Variants in DIABLO observed in about 807,000 individuals in gnomAD.
DIABLO encodes the protein diablo IAP-binding mitochondrial protein, also known as diablo homolog, mitochondrial.
A neutral mutation model predicts 31.7 loss-of-function variants in DIABLO; 32 were observed. The observed-to-expected ratio is 1.01, with a 90% CI of 0.76 to 1.35. The LOEUF is 1.35. Among genes scored for constraint, DIABLO ranks in the 40% most tolerant of loss-of-function variants. The pLI, the probability that DIABLO is intolerant of heterozygous loss-of-function variation, is 0.00. For missense variants in DIABLO, 316 were observed against 286.4 expected, an observed-to-expected ratio of 1.10 and a Z score of -0.75; for synonymous variants, 132 against 103.2, an observed-to-expected ratio of 1.28 and a Z score of -1.69.
intron 5 of DIABLO, among the ~76,000 whole-genome samples, chr12:122,211,874 A>C (rs1202489425): frequency 6.6e-6 from 1 of 152,188 alleles, no homozygotes; most frequent in East Asian, 1.9e-4. Flanking sequence ...CCTACTGATT[A>C]CTTTTTATCT....
At chr12:122,212,500 C>T (rs755170523) in intron 5 of DIABLO, among the ~76,000 whole-genome samples, 3 of 152,096 alleles carry the variant, frequency 2.0e-5, no homozygotes, top group African/African-American at 4.8e-5. Context: ...TCTAGTGTTG[C>T]GGAGAAGATG....
At chr12:122,222,894 C>G (rs1325708616) in intron 2 of DIABLO, among the ~76,000 whole-genome samples, 3 of 152,074 alleles carry the variant, frequency 2.0e-5, no homozygotes, top group Non-Finnish European at 4.4e-5. Flanking sequence ...AGCTTGCTTC[C>G]TAACAGGCCA....
Position 122,208,699 on chromosome 12 carries a change from C to T in DIABLO, c.524-122G>A, listed in dbSNP as rs781298725. On this transcript the variant is annotated intron_variant, in intron 5 of 5. Transcript: ENST00000464942. The stretch of plus-strand genomic sequence containing the variant: ...CCCTCTTGGGGTCACTTTCCTTGAC[C>T]TCCCTGTCTTCTCTCTCTGCAAAGA... 1.4e-5 allele frequency: 13 copies of T among 930,398 alleles called. No individual in the cohort carries two copies. In the African/African-American group the frequency reaches 2.0e-4, roughly 14 times the overall value. 57.6% of individuals were successfully genotyped at this position (930,398 alleles called of 1,614,324 possible). A position where few individuals can be genotyped will look rare whatever the true frequency, so the allele number is the denominator to read the frequency against.
In DIABLO at chr12:122,207,812, G is replaced by A. The variant is rs1304432148; in HGVS notation, c.*569C>T. The A allele has an allele frequency of 4.3e-6, 2 of 465,286 alleles. No homozygotes were observed. Among genetic ancestry groups the A allele is most frequent in the South Asian group, 3.1e-5 (2 of 64,578 alleles). The allele number at this position is 465,286 out of a possible 1,614,324, so 28.8% of individuals were successfully genotyped here. A position where few individuals can be genotyped will look rare whatever the true frequency, so the allele number is the denominator to read the frequency against. On this transcript the variant is annotated 3_prime_UTR_variant, in exon 6 of 6. Transcript: ENST00000464942. ...ATGTTAAGTCCTGTTGAGAGCACCAGGTAAACACTCTGCACCCCTTCTCTT... is the reference window on the plus strand; with the variant it reads ...ATGTTAAGTCCTGTTGAGAGCACCAAGTAAACACTCTGCACCCCTTCTCTT...
rs1953995668 is a variant in DIABLO at position 122,208,581 on chromosome 12, C to T, written c.524-4G>A. 6.2e-7 allele frequency: 1 copy of T among 1,611,638 alleles called. No individual in the cohort carries two copies. The highest frequency in any genetic ancestry group is 1.7e-5 in the Admixed American group (1 of 59,976). ...GTTATAGAGGCCTGATCTGCGCCTG[C>T]CAAAAGATGGGACAATCGGGTTGAG... On this transcript the variant is annotated splice_region_variant and splice_polypyrimidine_tract_variant and intron_variant, in intron 5 of 5. Coordinates refer to ENST00000464942, the MANE Select transcript of DIABLO (RefSeq NM_001371333.1).
At chr12:122,219,490 G>A (rs1954288136) in intron 2 of DIABLO, among the ~76,000 whole-genome samples, 1 of 152,032 alleles carries the variant, frequency 6.6e-6, no homozygotes, top group African/African-American at 2.4e-5. Context: ...CATGCAGAAG[G>A]GAGCAATCAG....
In DIABLO at chr12:122,216,826, A is replaced by C; in HGVS notation, c.359T>G (p.Leu120Ter). Residue 120 changes from leucine to a stop codon, truncating the protein, a stop_gained, in exon 4 of 6, where the codon TTA becomes TGA. Coordinates refer to ENST00000464942, the MANE Select transcript of DIABLO (RefSeq NM_001371333.1). LOFTEE classifies it high-confidence loss of function. ...CTCCTCTGAATTCATTTTCCCAAGT[A>C]AACTTGTATATTGTCGGTAAAGAGA... ...LTSLYRQYTSLLGKMNSEEED... is the reference protein window; with the variant it reads ...LTSLYRQYTS 1 of 1,614,174 alleles carries C rather than the reference A, an allele frequency of 6.2e-7. No homozygotes were observed.
upstream of DIABLO, chr12:122,227,311 C>T (rs1244675211): frequency 6.7e-6 from 3 of 446,834 alleles, no homozygotes; most frequent in African/African-American, 6.0e-5. Context: ...CAGCCACTCC[C>T]CACAGTGTCA....
intron 2 of DIABLO, chr12:122,221,903 G>C (rs1285133940): frequency 6.6e-6 from 1 of 152,208 alleles, no homozygotes; most frequent in Non-Finnish European, 1.5e-5. Flanking sequence ...ATTCAAGTGA[G>C]GGGTTTTAGG....
At chr12:122,209,566 G>A in intron 5 of DIABLO, 2 of 545,586 alleles carry the variant, frequency 3.7e-6, no homozygotes, top group Admixed American at 3.1e-5. Context: ...TTGGGAGCCT[G>A]AAGCAGGAGA....
intron 5 of DIABLO, among the ~76,000 whole-genome samples, chr12:122,210,774 G>A (rs192619486): frequency 6.6e-6 from 1 of 152,054 alleles, no homozygotes; most frequent in African/African-American, 2.4e-5. Context: ...AAATTTAGAG[G>A]GAGGGGGCAA....
At chr12:122,210,848 G>A (rs935479294) in intron 5 of DIABLO, among the ~76,000 whole-genome samples, 11 of 149,554 alleles carry the variant, frequency 7.4e-5, no homozygotes, top group Admixed American at 2.0e-4. Flanking sequence ...AAACCAGCCT[G>A]GGAAACTTAG....
intron 5 of DIABLO, chr12:122,209,601 G>C (rs1420373319): frequency 5.1e-6 from 3 of 591,706 alleles, no homozygotes; most frequent in South Asian, 2.0e-5. Context: ...GGAGGCGGAG[G>C]TTGCAGTGAG....
At chr12:122,219,661 C>A (rs2136101300) in intron 2 of DIABLO, among the ~76,000 whole-genome samples, 1 of 151,828 alleles carries the variant, frequency 6.6e-6, no homozygotes, top group South Asian at 2.1e-4. Context: ...TCGAGACCAG[C>A]CTGGCCAACA....
chr12:122,208,849 TAC>T (rs886884573), intron 5 of DIABLO: 9 of 557,912 alleles, frequency 1.6e-5, no homozygotes, highest in Admixed American at 1.5e-4. Flanking sequence ...TCTTTATAGC[TAC>T]AGAGCTTTTA....
intron 1 of DIABLO, chr12:122,225,737 G>T (rs1266385018): frequency 7.0e-7 from 1 of 1,431,086 alleles, no homozygotes; most frequent in African/African-American, 1.4e-5. Flanking sequence ...CGGGGTCTCG[G>T]GGACTCGTTT....
intron 2 of DIABLO, among the ~76,000 whole-genome samples, chr12:122,219,325 T>A (rs1284095244): frequency 1.3e-5 from 2 of 152,176 alleles, no homozygotes; most frequent in African/African-American, 4.8e-5. Context: ...CAGTGTTAGA[T>A]ACTTGAGACG....
chr12:122,225,535 TGCAGC>T, intron 1 of DIABLO: 1 of 1,099,154 alleles, frequency 9.1e-7, no homozygotes, highest in African/African-American at 1.7e-5. Flanking sequence ...CCCAGGAGCC[TGCAGC>T]GCTAGGTAGA....
At chr12:122,215,003 T>A (rs894810617) in intron 5 of DIABLO, among the ~76,000 whole-genome samples, 5 of 152,168 alleles carry the variant, frequency 3.3e-5, no homozygotes, top group African/African-American at 1.2e-4. Context: ...CTGCAACCAG[T>A]TTCTTAATAA....
Sources: allele counts gnomAD v4.1 joint callset (sites outside exome capture counted in the v4.1 genomes callset), GRCh38; gene constraint gnomAD v4.1.1; transcripts MANE v1.5; gene names NCBI Gene and HGNC (gene_info 2026-07-23, HGNC 2026-07-21).